Variants in MYO10 observed in about 807,000 individuals in gnomAD.
The protein encoded by MYO10 is unconventional myosin-X.
Under a neutral mutation model 257.3 loss-of-function variants are expected in MYO10, and 133 were observed. The observed-to-expected ratio is 0.52, with a 90% CI of 0.45 to 0.60. The LOEUF (loss-of-function observed/expected upper bound fraction) is 0.60. Ranked by LOEUF, MYO10 falls within the 20% of genes least tolerant of loss-of-function variation. The pLI, the probability that MYO10 is intolerant of heterozygous loss-of-function variation, is 0.00. For missense variants in MYO10, 2,399 were observed against 2,635.7 expected, an observed-to-expected ratio of 0.91 and a Z score of 1.97; for synonymous variants, 1,104 against 1,028.6, an observed-to-expected ratio of 1.07 and a Z score of -1.40.
Position 16,673,705 on chromosome 5 carries a change from T to C in MYO10, c.5149A>G (p.Asn1717Asp). The change falls in exon 36 of 41, where the codon AAC becomes GAC. Residue 1717 changes from asparagine to aspartate, a missense_variant. Transcript: ENST00000513610. ...ACCTCCCCAGCGGTGGTGTGGGAGT[T>C]GATGGTGATCTTGCAGGAGCCGCCG... ...HGGGSCKITI[N>D]SHTTAGEVVE... The C allele has an allele frequency of 1.2e-6, 2 of 1,613,778 alleles. No individual in the cohort carries two copies. Among genetic ancestry groups the C allele is most frequent in the Non-Finnish European group, 1.7e-6 (2 of 1,179,818 alleles).
Position 16,826,519 on chromosome 5 carries a change from G to A in MYO10, c.121-8352C>T, listed in dbSNP as rs531711319. 5.3e-5 allele frequency among the ~76,000 whole-genome samples: 8 copies of A among 152,300 alleles called. No homozygotes were observed. The East Asian group carries it at 1.5e-3, about 29-fold the overall frequency. On this transcript the variant is annotated intron_variant, in intron 2 of 40. Coordinates refer to ENST00000513610, the MANE Select transcript of MYO10 (RefSeq NM_012334.3). Reference sequence around the variant, plus strand: ...AAAAAGCAAGAGTCTCAGGGAGTGCGGCAGGAGGAGCCCAGGCTCTGAAGA... The same window carrying A: ...AAAAAGCAAGAGTCTCAGGGAGTGCAGCAGGAGGAGCCCAGGCTCTGAAGA...
chr5:16,918,500 CTTTTTTTTT>C (rs5866221), intron 1 of MYO10, among the ~76,000 whole-genome samples: 1 of 117,692 alleles, frequency 8.5e-6, no homozygotes, highest in South Asian at 2.7e-4. Flanking sequence ...TTTTTCTTTT[CTTTTTTTTT>C]TTTTTTTTTT....
At position 16,794,766 on chromosome 5, in the gene MYO10, G is replaced by A. The variant is rs764362993; in HGVS notation, c.347C>T (p.Ala116Val). The A allele has an allele frequency of 6.2e-7, 1 of 1,609,976 alleles. No homozygotes were observed. Residue 116 changes from alanine to valine, a missense_variant, in exon 4 of 41, where the codon GCC (alanine) becomes GTC (valine). Coordinates refer to ENST00000513610, the MANE Select transcript of MYO10 (RefSeq NM_012334.3). ...GCGCCGGCTGTACTGCTCCATGGTG[G>A]CAGGCTCGTACAGCCCGGCGATGGG... ...YQPIAGLYEPATMEQYSRRHL... is the reference protein window; with the variant it reads ...YQPIAGLYEPVTMEQYSRRHL...
chr5:16,853,852 C>T (rs1442432383), intron 2 of MYO10: 1 of 152,224 alleles, frequency 6.6e-6, no homozygotes, highest in Non-Finnish European at 1.5e-5. Context: ...CTCCTCCTGG[C>T]TACAGAACCC....
At chr5:16,729,743 C>G (rs964858862) in intron 19 of MYO10, among the ~76,000 whole-genome samples, 1 of 152,176 alleles carries the variant, frequency 6.6e-6, no homozygotes, top group African/African-American at 2.4e-5. Flanking sequence ...CGCACCCAGC[C>G]TAAAGTTTTA....
At chr5:16,840,389 G>T (rs1421954471) in intron 2 of MYO10, among the ~76,000 whole-genome samples, 1 of 150,644 alleles carries the variant, frequency 6.6e-6, no homozygotes, top group African/African-American at 2.5e-5. Flanking sequence ...TCCAGCCTGG[G>T]CGACAGAGCG....
chr5:16,752,122 A>C (rs1234271986), intron 19 of MYO10, among the ~76,000 whole-genome samples: 1 of 152,168 alleles, frequency 6.6e-6, no homozygotes, highest in Admixed American at 6.6e-5. Context: ...GAGTATTTCA[A>C]ATTAAAGTTT....
chr5:16,778,133 A>C (rs1199827758), intron 9 of MYO10, among the ~76,000 whole-genome samples: 7 of 151,992 alleles, frequency 4.6e-5, no homozygotes, highest in Admixed American at 4.6e-4. Flanking sequence ...TACAGGCATG[A>C]GCCACCGTGC....
intron 16 of MYO10, among the ~76,000 whole-genome samples, 159 bp downstream of exon 16, chr5:16,761,886 C>A (rs1199452966): frequency 6.6e-6 from 1 of 152,010 alleles, no homozygotes; most frequent in Non-Finnish European, 1.5e-5. Flanking sequence ...CTCCTGTCCT[C>A]AAGTGATCCT....
intron 5 of MYO10, 45 bp from the exon 6 acceptor site, chr5:16,781,874 T>C (rs1741435367): frequency 6.2e-7 from 1 of 1,600,550 alleles, no homozygotes; most frequent in Non-Finnish European, 8.5e-7. Flanking sequence ...TAAGGGTGGG[T>C]CTGAAGACAG....
rs1387747115 is a variant in MYO10 at position 16,662,297 on chromosome 5, T to C, written c.*4395A>G. 6.8e-6 allele frequency: 1 copy of C among 147,900 alleles called. No homozygotes were observed. Among genetic ancestry groups the C allele is most frequent in the East Asian group, 2.0e-4 (1 of 4,990 alleles). The allele number at this position is 147,900 out of a possible 1,614,324, so 9.2% of individuals were successfully genotyped here. Reference sequence around the variant, plus strand: ...AAGGCTTAGTAACTAAAAAAAGTGCTGTCTTAGATTTCTGAACTATTTTTT... The same window carrying C: ...AAGGCTTAGTAACTAAAAAAAGTGCCGTCTTAGATTTCTGAACTATTTTTT... On this transcript the variant is annotated 3_prime_UTR_variant, in exon 41 of 41. Transcript: ENST00000513610.
intron 33 of MYO10, among the ~76,000 whole-genome samples, chr5:16,678,229 G>C (rs901956767): frequency 3.9e-5 from 6 of 152,172 alleles, no homozygotes; most frequent in Non-Finnish European, 7.3e-5. Flanking sequence ...ATTATGTGTA[G>C]CCAGTGCCCT....
At chr5:16,680,441 T>C (rs993227243) in intron 32 of MYO10, among the ~76,000 whole-genome samples, 90 of 152,134 alleles carry the variant, frequency 5.9e-4, no homozygotes, top group African/African-American at 2.1e-3. Context: ...GTGAAAACTC[T>C]CTCTGATTTC....
Position 16,928,746 on chromosome 5 carries a change from A to G in MYO10, c.21+7042T>C, listed in dbSNP as rs370906377. Among the ~76,000 whole-genome samples the G allele has an allele frequency of 8.6e-5, 13 of 150,678 alleles. No homozygotes were observed. In the South Asian group the frequency reaches 1.9e-3, roughly 22 times the overall value. On this transcript the variant is annotated intron_variant, in intron 1 of 40. Coordinates refer to ENST00000513610, the MANE Select transcript of MYO10 (RefSeq NM_012334.3). ...TGTAGTCCCAGCTACTTGGGAGGCT[A>G]AGGCAGGAGAATCGCTTGAACCTGG... is the stretch of plus-strand genomic sequence containing the variant.
At chr5:16,858,459 T>C (rs1241277745) in intron 2 of MYO10, among the ~76,000 whole-genome samples, 2 of 124,918 alleles carry the variant, frequency 1.6e-5, no homozygotes, top group African/African-American at 7.2e-5. Context: ...AAAAAAAAAA[T>C]CGAGGTTTAA....
chr5:16,822,979 A>G lies in MYO10; in HGVS notation c.121-4812T>C, dbSNP rs539780112. ...TGGGATTACAGGCGTGAGCCACCGC[A>G]CCCGGCCTAATTTGGAAAGATTTCA... On this transcript the variant is annotated intron_variant, in intron 2 of 40. Transcript: ENST00000513610. Among the ~76,000 whole-genome samples the G allele has an allele frequency of 3.2e-4, 48 of 151,544 alleles. No individual in the cohort carries two copies. The South Asian group carries it at 4.6e-3, about 15-fold the overall frequency.
chr5:16,785,782 A>G (rs1274952544), intron 4 of MYO10, among the ~76,000 whole-genome samples: 1 of 152,212 alleles, frequency 6.6e-6, no homozygotes, highest in African/African-American at 2.4e-5. Flanking sequence ...AGGCAGAAGA[A>G]TCACTTGAAC....
intron 29 of MYO10, among the ~76,000 whole-genome samples, chr5:16,684,231 G>A (rs543724000): frequency 5.4e-4 from 82 of 152,148 alleles, no homozygotes; most frequent in African/African-American, 1.9e-3. Flanking sequence ...TTTTCTACAA[G>A]TACCTCTATT....
chr5:16,753,617 C>A (rs943830455), intron 19 of MYO10, among the ~76,000 whole-genome samples: 1 of 151,658 alleles, frequency 6.6e-6, no homozygotes, highest in Non-Finnish European at 1.5e-5. Context: ...ATTACAGGCA[C>A]GTGACACCAT....
Sources: allele counts gnomAD v4.1 joint callset (sites outside exome capture counted in the v4.1 genomes callset), GRCh38; gene constraint gnomAD v4.1.1; transcripts MANE v1.5; gene names NCBI Gene and HGNC (gene_info 2026-07-23, HGNC 2026-07-21).